The following XXYLT1 variants were observed in gnomAD, a reference collection of about 807,000 sequenced individuals.
The protein encoded by XXYLT1 is xyloside xylosyltransferase 1, also known as UDP-xylose:alpha-xyloside alpha-1,3-xylosyltransferase.
A neutral mutation model predicts 28.9 loss-of-function variants in XXYLT1; 20 were observed. The observed-to-expected ratio is 0.69, with a 90% CI of 0.49 to 1.00. The LOEUF is 1.00. Ranked by LOEUF, XXYLT1 falls within the 50% of genes least tolerant of loss-of-function variation. The probability of loss-of-function intolerance (pLI) is 0.00; values close to 1 mark genes in which losing one functional copy is unlikely to be tolerated. For synonymous variants in XXYLT1, 257 were observed against 253.8 expected, an observed-to-expected ratio of 1.01 and a Z score of -0.12; for missense variants, 542 against 560.1, an observed-to-expected ratio of 0.97 and a Z score of 0.33.
At chr3:195,211,383 A>T (rs1162919620) in intron 2 of XXYLT1, among the ~76,000 whole-genome samples, 1 of 151,982 alleles carries the variant, frequency 6.6e-6, no homozygotes, top group Non-Finnish European at 1.5e-5. Flanking sequence ...ACAGAGCAAG[A>T]CTCCATCTCA....
At chr3:195,178,775 C>G (rs928799894) in intron 2 of XXYLT1, among the ~76,000 whole-genome samples, 1 of 152,180 alleles carries the variant, frequency 6.6e-6, no homozygotes, top group African/African-American at 2.4e-5. Context: ...GATATTTCCA[C>G]CAGGGAGCAC....
At chr3:195,099,270 G>A (rs770225494) in intron 3 of XXYLT1, among the ~76,000 whole-genome samples, 7 of 152,194 alleles carry the variant, frequency 4.6e-5, no homozygotes, top group Non-Finnish European at 1.0e-4. Context: ...TGACCCTGGC[G>A]CAGGTGCGTG....
At chr3:195,194,587 A>G (rs1722549496) in intron 2 of XXYLT1, among the ~76,000 whole-genome samples, 1 of 152,212 alleles carries the variant, frequency 6.6e-6, no homozygotes, top group Non-Finnish European at 1.5e-5. Context: ...GAATGAAAAT[A>G]TATGTTCACA....
chr3:195,225,665 T>G (rs1448502946), intron 2 of XXYLT1, among the ~76,000 whole-genome samples: 4 of 152,006 alleles, frequency 2.6e-5, no homozygotes, highest in African/African-American at 9.6e-5. Flanking sequence ...GTTGATATGG[T>G]TTGGCTGTGT....
At chr3:195,082,544 G>A (rs1288368737) in intron 3 of XXYLT1, among the ~76,000 whole-genome samples, 5 of 152,210 alleles carry the variant, frequency 3.3e-5, no homozygotes, top group Non-Finnish European at 7.3e-5. Context: ...GGAAGAAAAA[G>A]TGAGGAACCC....
Position 195,180,063 on chromosome 3 carries a change from G to A in XXYLT1, c.653-23482C>T, listed in dbSNP as rs922826894. 6.6e-5 allele frequency among the ~76,000 whole-genome samples: 10 copies of A among 152,174 alleles called. No individual in the cohort carries two copies. Among genetic ancestry groups the A allele is most frequent in the African/African-American group, 2.4e-4 (10 of 41,438 alleles). ...CTGAGTGACGGAGCGCCTGGTGAGG[G>A]ACAGAAGAATCTCTGAGCGGCCCCA... On this transcript the variant is annotated intron_variant, in intron 2 of 3. Coordinates refer to ENST00000310380, the MANE Select transcript of XXYLT1 (RefSeq NM_152531.5). This position sits in a 1 kb window ranked among gnomAD's most constrained non-coding sequence, Gnocchi z 5.8.
At chr3:195,118,646 T>G (rs34500381) in intron 3 of XXYLT1, among the ~76,000 whole-genome samples, 84,639 of 152,022 alleles carry the variant, frequency 0.56, 24,173 homozygotes, top group Middle Eastern at 0.67. Flanking sequence ...CAGGCACCTA[T>G]GCCCCAGGGG....
chr3:195,104,198 C>CGT (rs59361512), intron 3 of XXYLT1, among the ~76,000 whole-genome samples: 4,347 of 141,894 alleles, frequency 0.031, 114 homozygotes, highest in East Asian at 0.11. Context: ...ATGAGGGCTC[C>CGT]GTGTGTGTGT....
intron 2 of XXYLT1, among the ~76,000 whole-genome samples, chr3:195,166,125 G>C (rs1430582534): frequency 1.3e-5 from 2 of 151,774 alleles, no homozygotes; most frequent in African/African-American, 4.8e-5. Context: ...CCTTCCCATG[G>C]AGCAGAAGTC....
At chr3:195,196,946 T>G (rs558142317) in intron 2 of XXYLT1, among the ~76,000 whole-genome samples, 2 of 151,912 alleles carry the variant, frequency 1.3e-5, no homozygotes, top group Middle Eastern at 3.2e-3. Flanking sequence ...CTGGGACTAG[T>G]ATATCCTTTT....
rs1715165942 is a variant in XXYLT1 at position 195,077,119 on chromosome 3, C to T, written c.786-7008G>A. Among the ~76,000 whole-genome samples the T allele has an allele frequency of 6.6e-6, 1 of 152,178 alleles. No homozygotes were observed. The highest frequency in any genetic ancestry group is 2.4e-5 in the African/African-American group (1 of 41,426). ...ACTGCCCTCAGCAAAACCCCAGCCCCTGCTGCTCTCAGTGGGTGGAGACAG... is the reference window on the plus strand; with the variant it reads ...ACTGCCCTCAGCAAAACCCCAGCCCTTGCTGCTCTCAGTGGGTGGAGACAG... On this transcript the variant is annotated intron_variant, in intron 3 of 3. Transcript: ENST00000310380. This position sits in a 1 kb window ranked among gnomAD's most constrained non-coding sequence, Gnocchi z 4.8.
At chr3:195,213,147 T>G (rs1723402196) in intron 2 of XXYLT1, among the ~76,000 whole-genome samples, 1 of 152,188 alleles carries the variant, frequency 6.6e-6, no homozygotes, top group Non-Finnish European at 1.5e-5. Context: ...AAAGGCTGGC[T>G]GATATGAGGT....
chr3:195,136,795 G>A (rs1426947908), intron 3 of XXYLT1, among the ~76,000 whole-genome samples: 1 of 152,106 alleles, frequency 6.6e-6, no homozygotes, highest in Non-Finnish European at 1.5e-5. Flanking sequence ...CAAAGGGCAT[G>A]GAGACTTCAG....
intron 3 of XXYLT1, among the ~76,000 whole-genome samples, chr3:195,138,735 A>G (rs887189623): frequency 1.3e-5 from 2 of 151,852 alleles, no homozygotes; most frequent in Non-Finnish European, 2.9e-5. Context: ...GGTGCCTATA[A>G]TCCCAGCTAC....
intron 3 of XXYLT1, among the ~76,000 whole-genome samples, chr3:195,098,646 C>T (rs373396142): frequency 3.9e-5 from 6 of 152,246 alleles, no homozygotes; most frequent in African/African-American, 7.2e-5. Context: ...GGTGAAGCCA[C>T]GGGCCTTGAT....
intron 2 of XXYLT1, among the ~76,000 whole-genome samples, chr3:195,160,857 G>A (rs1041918206): frequency 3.3e-5 from 5 of 152,252 alleles, no homozygotes; most frequent in Admixed American, 1.3e-4. Context: ...TGGAATTGGC[G>A]GTGGTGGATC....
chr3:195,243,089 T>C (rs1724848266), intron 1 of XXYLT1, among the ~76,000 whole-genome samples: 1 of 152,012 alleles, frequency 6.6e-6, no homozygotes, highest in South Asian at 2.1e-4. Flanking sequence ...AAACCATCAC[T>C]CTCAGCAAAC....
chr3:195,082,272 G>T (rs1460198721), intron 3 of XXYLT1, among the ~76,000 whole-genome samples: 2 of 152,192 alleles, frequency 1.3e-5, no homozygotes, highest in African/African-American at 4.8e-5. Context: ...TCCTATTTGG[G>T]TGTATGCAGA....
intron 2 of XXYLT1, among the ~76,000 whole-genome samples, chr3:195,205,310 T>C (rs559348190): frequency 1.3e-5 from 2 of 152,216 alleles, no homozygotes; most frequent in Non-Finnish European, 2.9e-5. Context: ...TATATTCGCA[T>C]GATGAAATAC....
Sources: gnomAD v4.1 joint callset for allele counts (sites outside exome capture counted in the v4.1 genomes callset) on GRCh38, gnomAD v4.1.1 for gene constraint, Gnocchi (gnomAD v3.1) non-coding constraint, MANE v1.5 for transcripts, NCBI Gene and HGNC (gene_info 2026-07-23, HGNC 2026-07-21) for gene names.